Variants in FAM107A observed in about 807,000 individuals in gnomAD.
The protein encoded by FAM107A is actin-associated protein FAM107A.
In FAM107A, 19 loss-of-function variants were observed where a neutral mutation model predicts 13.7. The ratio of observed to expected loss-of-function variants is 1.38; its 90% confidence interval spans 0.97 to 2.03. The LOEUF (loss-of-function observed/expected upper bound fraction) is 2.03, where lower values mean the gene tolerates loss of function less well. Ranked by LOEUF, FAM107A falls within the 30% of genes most tolerant of loss-of-function variation. FAM107A has a pLI of 0.00. For synonymous variants in FAM107A, 82 were observed against 74.5 expected (o/e 1.10, Z -0.52); for missense variants, 203 against 184.4 (o/e 1.10, Z -0.58).
chr3:58,593,916 G>A (rs1171340661), intron 1 of FAM107A, among the ~76,000 whole-genome samples: 1 of 152,032 alleles, frequency 6.6e-6, no homozygotes, highest in South Asian at 2.1e-4. Flanking sequence ...CCAACAAGCT[G>A]CCACACTTAT....
chr3:58,575,430 T>C (rs2063722662), intron 1 of FAM107A, among the ~76,000 whole-genome samples: 1 of 152,142 alleles, frequency 6.6e-6, no homozygotes, highest in Admixed American at 6.5e-5. Flanking sequence ...CCACTAGAAT[T>C]TGATCTGGAT....
At chr3:58,626,413 CTAATA>C (rs1301544985) in intron 1 of FAM107A, among the ~76,000 whole-genome samples, 2 of 152,252 alleles carry the variant, frequency 1.3e-5, no homozygotes, top group Admixed American at 1.3e-4. Flanking sequence ...GAATAGAATT[CTAATA>C]ATAATGGAGC....
chr3:58,575,687 G>T (rs1156831821), intron 1 of FAM107A, among the ~76,000 whole-genome samples: 1 of 152,166 alleles, frequency 6.6e-6, no homozygotes, highest in African/African-American at 2.4e-5. Context: ...CAATGAAGAG[G>T]CTGTGTGAGC....
chr3:58,580,152 A>C (rs946625115), upstream of FAM107A, among the ~76,000 whole-genome samples: 15 of 152,102 alleles, frequency 9.9e-5, no homozygotes, highest in Admixed American at 2.0e-4. Flanking sequence ...GCCAATAAAC[A>C]TGTCTATGTA....
At chr3:58,622,998 C>T (rs994561326) in intron 1 of FAM107A, among the ~76,000 whole-genome samples, 5 of 152,060 alleles carry the variant, frequency 3.3e-5, no homozygotes, top group Non-Finnish European at 5.9e-5. Flanking sequence ...ATGCTGTGAG[C>T]GCCTCCTGAT....
upstream of FAM107A, among the ~76,000 whole-genome samples, chr3:58,578,589 AC>A (rs1359299402): frequency 1.3e-5 from 2 of 152,138 alleles, no homozygotes; most frequent in East Asian, 3.9e-4. Flanking sequence ...AAACAAACAA[AC>A]AAAAAAACCC....
At chr3:58,606,717 C>A (rs970068217) in intron 1 of FAM107A, among the ~76,000 whole-genome samples, 2 of 152,216 alleles carry the variant, frequency 1.3e-5, no homozygotes, top group African/African-American at 4.8e-5. Context: ...AATGTTGGAC[C>A]ACAGAGTACA....
chr3:58,599,970 C>T (rs534892720), intron 1 of FAM107A, among the ~76,000 whole-genome samples: 1 of 152,050 alleles, frequency 6.6e-6, no homozygotes, highest in South Asian at 2.1e-4. Context: ...GCCACCATGC[C>T]CAGCCCAGGT....
chr3:58,566,680 C>G lies in FAM107A; in HGVS notation c.343G>C (p.Glu115Gln). ...TCGGGGGCGTGATCCTCTTCCTTCTCTGGTGGTTTTTCCAGCTGAAGGAGG... is the reference window on the plus strand; with the variant it reads ...TCGGGGGCGTGATCCTCTTCCTTCTGTGGTGGTTTTTCCAGCTGAAGGAGG... ...QRLNQLEKPP[E>Q]KEEDHAPEFI... The change falls in exon 4 of 4, where the codon GAG becomes CAG. Residue 115 changes from glutamate (E) to glutamine (Q), a missense_variant. Physicochemically the swap from Glu to Gln is conservative, Grantham distance 29. Coordinates refer to ENST00000360997, the MANE Select transcript of FAM107A (RefSeq NM_001076778.3). 1.2e-6 allele frequency: 2 copies of G among 1,613,816 alleles called. No homozygotes were observed. The highest frequency in any genetic ancestry group is 1.7e-4 in the Middle Eastern group (1 of 6,040).
At chr3:58,578,495 G>A (rs1020429636), upstream of FAM107A, among the ~76,000 whole-genome samples, 1 of 152,136 alleles carries the variant, frequency 6.6e-6, no homozygotes, top group Non-Finnish European at 1.5e-5. Context: ...TTGAACTTGG[G>A]AGGCAGAGTT....
chr3:58,603,670 A>C (rs577139629), intron 1 of FAM107A, among the ~76,000 whole-genome samples: 48 of 152,236 alleles, frequency 3.2e-4, no homozygotes, highest in Non-Finnish European at 5.9e-4. Context: ...TGGCTATAGG[A>C]CAATGGGAAG....
chr3:58,592,451 G>A (rs1190211074), intron 1 of FAM107A, among the ~76,000 whole-genome samples: 1 of 152,150 alleles, frequency 6.6e-6, no homozygotes, highest in Non-Finnish European at 1.5e-5. Flanking sequence ...ATACCTCTTG[G>A]TCTAGATAGA....
At chr3:58,588,570 C>G (rs1006789733), upstream of FAM107A, among the ~76,000 whole-genome samples, 2 of 152,232 alleles carry the variant, frequency 1.3e-5, no homozygotes, top group Non-Finnish European at 1.5e-5. Flanking sequence ...CAACAACCAG[C>G]CTTCAGGAGT....
At chr3:58,616,575 TACCACC>T (rs556831578) in intron 1 of FAM107A, among the ~76,000 whole-genome samples, 2,600 of 128,774 alleles carry the variant, frequency 0.02, 45 homozygotes, top group South Asian at 0.075. Context: ...ACACCACCAC[TACCACC>T]ACCACCACCA....
At chr3:58,586,560 G>C (rs181956323) in intron 1 of FAM107A, among the ~76,000 whole-genome samples, 2 of 152,042 alleles carry the variant, frequency 1.3e-5, no homozygotes, top group Non-Finnish European at 1.5e-5. Flanking sequence ...GTGGTGGTGC[G>C]CACCTGTAGT....
chr3:58,615,622 G>A (rs113062845), intron 1 of FAM107A, among the ~76,000 whole-genome samples: 310 of 152,242 alleles, frequency 2.0e-3, no homozygotes, highest in African/African-American at 6.1e-3. Context: ...AATGCCAGGC[G>A]CAGTGCCTTA....
At chr3:58,605,927 C>G (rs907452328) in intron 1 of FAM107A, among the ~76,000 whole-genome samples, 15 of 152,282 alleles carry the variant, frequency 9.9e-5, no homozygotes, top group African/African-American at 3.1e-4. Context: ...AAGCTAAAAT[C>G]AAAACTAAAT....
intron 1 of FAM107A, among the ~76,000 whole-genome samples, chr3:58,596,523 C>T (rs544951745): frequency 6.6e-6 from 1 of 152,054 alleles, no homozygotes; most frequent in East Asian, 1.9e-4. Flanking sequence ...ACTAAAAATA[C>T]AAAAAATTAG....
At chr3:58,596,985 G>A (rs143977122) in intron 1 of FAM107A, among the ~76,000 whole-genome samples, 6 of 152,250 alleles carry the variant, frequency 3.9e-5, no homozygotes, top group Middle Eastern at 3.4e-3. Context: ...TTACTCAGCC[G>A]TGTGTTTGAG....
Sources: gnomAD v4.1 joint callset for allele counts (sites outside exome capture counted in the v4.1 genomes callset) on GRCh38, gnomAD v4.1.1 for gene constraint, MANE v1.5 for transcripts, NCBI Gene and HGNC (gene_info 2026-07-23, HGNC 2026-07-21) for gene names.